KIF11: variants seen among roughly 807,000 people sequenced by gnomAD.
KIF11 encodes kinesin family member 11.
A neutral mutation model predicts 121.0 loss-of-function variants in KIF11; 9 were observed. The observed-to-expected ratio is 0.07, with a 90% CI of 0.04 to 0.13. KIF11 has a LOEUF of 0.13. Among genes scored for constraint, KIF11 ranks in the 10% least tolerant of loss-of-function variants. KIF11 has a pLI of 1.00. For missense variants in KIF11, 846 were observed against 1,217.5 expected (o/e 0.69, Z 4.54); for synonymous variants, 408 against 421.0 (o/e 0.97, Z 0.38).
intron 14 of KIF11, among the ~76,000 whole-genome samples, chr10:92,634,616 T>C (rs1348281831): frequency 6.6e-6 from 1 of 152,246 alleles, no homozygotes; most frequent in African/African-American, 2.4e-5. Flanking sequence ...CTCCACTGTT[T>C]ATTCTCTCCC....
intron 1 of KIF11, among the ~76,000 whole-genome samples, chr10:92,602,357 T>C (rs979595612): frequency 6.6e-6 from 1 of 152,168 alleles, no homozygotes; most frequent in African/African-American, 2.4e-5. Context: ...TCTTGAAATG[T>C]TTTATAGAAT....
chr10:92,650,030 A>T (rs1044324292), intron 20 of KIF11, 44 bp downstream of exon 20: 6 of 1,462,376 alleles, frequency 4.1e-6, no homozygotes, highest in Non-Finnish European at 5.7e-6. Flanking sequence ...TCTTTTATGA[A>T]CTCTTGATGT....
intron 5 of KIF11, 57 bp from the exon 6 acceptor site, chr10:92,609,328 G>A: frequency 6.4e-6 from 10 of 1,569,258 alleles, no homozygotes; most frequent in Non-Finnish European, 8.7e-6. Context: ...GTGTGTGTGT[G>A]TGTGTGTGTG....
rs777196374 is a variant in KIF11 at position 92,637,536 on chromosome 10, C to T, written c.2151C>T (p.Thr717=). The T allele has an allele frequency of 1.2e-6, 2 of 1,600,020 alleles. No homozygotes were observed. Among genetic ancestry groups the T allele is most frequent in the South Asian group, 1.1e-5 (1 of 87,432 alleles). The part of the protein sequence containing the change: ...LTEDLKTIKQ[T]HSQELCKLMN... Reference sequence around the variant, plus strand: ...AAGACCTGAAGACAATAAAGCAGACCCATTCCCAGGTATGTTGTTTAGCGG... The same window carrying T: ...AAGACCTGAAGACAATAAAGCAGACTCATTCCCAGGTATGTTGTTTAGCGG... The change falls in exon 16 of 22, where the codon ACC becomes ACT. Residue 717 remains threonine, a synonymous_variant. Transcript: ENST00000260731.
chr10:92,629,892 C>T (rs1406969514), intron 11 of KIF11, among the ~76,000 whole-genome samples: 3 of 152,196 alleles, frequency 2.0e-5, no homozygotes, highest in African/African-American at 7.2e-5. Context: ...GCTGGGGTTA[C>T]AGGTGTGAAC....
chr10:92,603,085 TTCTC>T (rs1265575940), intron 1 of KIF11, among the ~76,000 whole-genome samples: 3 of 151,680 alleles, frequency 2.0e-5, no homozygotes, highest in African/African-American at 7.3e-5. Flanking sequence ...GCAATTTCTG[TTCTC>T]TCTGCCTGAA....
intron 1 of KIF11, among the ~76,000 whole-genome samples, chr10:92,603,747 C>G (rs1844400964): frequency 6.6e-6 from 1 of 152,132 alleles, no homozygotes; most frequent in African/African-American, 2.4e-5. Flanking sequence ...CTCAGCTTCC[C>G]AAAGTGCTGA....
At chr10:92,625,143 G>A (rs1475160741) in intron 10 of KIF11, among the ~76,000 whole-genome samples, 1 of 152,040 alleles carries the variant, frequency 6.6e-6, no homozygotes, top group Non-Finnish European at 1.5e-5. Context: ...TTCATTAGTA[G>A]CATATAAGCG....
chr10:92,638,824 G>A (rs1844835545), intron 16 of KIF11, among the ~76,000 whole-genome samples: 1 of 152,142 alleles, frequency 6.6e-6, no homozygotes, highest in African/African-American at 2.4e-5. Flanking sequence ...TTCATAATCA[G>A]AATGTTAGAT....
intron 4 of KIF11, among the ~76,000 whole-genome samples, chr10:92,607,571 G>A (rs1453679251): frequency 6.6e-6 from 1 of 152,130 alleles, no homozygotes; most frequent in Non-Finnish European, 1.5e-5. Flanking sequence ...GAAGGAATGG[G>A]TCTCAGAAAG....
rs891118071 is a variant in KIF11, at chr10:92,606,636, T to C, written c.228T>C (p.Thr76=). 1 of 1,577,596 alleles carries C rather than the reference T, an allele frequency of 6.3e-7. No homozygotes were observed. The highest frequency in any genetic ancestry group is 1.3e-5 in the African/African-American group (1 of 74,124). ...YTFDMVFGAS[T]KQIDVYRSVV... is the part of the protein sequence containing the mutation. The stretch of plus-strand genomic sequence containing the variant: ...TTCGTTAGGTGTTTGGAGCATCTAC[T>C]AAACAGATTGATGTTTACCGAAGTG... Residue 76 remains threonine (T), a synonymous_variant, in exon 3 of 22, where the codon ACT becomes ACC. Transcript: ENST00000260731.
At chr10:92,634,651 G>A (rs1469264665) in intron 14 of KIF11, among the ~76,000 whole-genome samples, 1 of 152,202 alleles carries the variant, frequency 6.6e-6, no homozygotes, top group African/African-American at 2.4e-5. Flanking sequence ...CAAATGTATG[G>A]AACTAACTTT....
In KIF11 at chr10:92,630,330, G is replaced by C. The variant is rs780874784; in HGVS notation, c.1460G>C (p.Ser487Thr). The change falls in exon 12 of 22, where the codon AGT (serine) becomes ACT (threonine). Residue 487 changes from serine (S) to threonine (T), a missense_variant. By Grantham distance (58) the Ser-to-Thr change is moderately conservative. This residue lies in a region of KIF11 where 95 missense variants were observed against 109.3 expected (regional missense o/e 0.87). Transcript: ENST00000260731. ...GAATATATCACATCAGCTTTGGAAAGTACTGAGGAGAAACTTCATGATGCT... is the reference window on the plus strand; with the variant it reads ...GAATATATCACATCAGCTTTGGAAACTACTGAGGAGAAACTTCATGATGCT... ...KEEYITSALE[S>T]TEEKLHDAAS... 3.8e-6 allele frequency: 6 copies of C among 1,590,930 alleles called. No individual in the cohort carries two copies. The highest frequency in any genetic ancestry group is 5.1e-6 in the Non-Finnish European group (6 of 1,172,764).
At chr10:92,651,516 T>A (rs7898430) in intron 21 of KIF11, among the ~76,000 whole-genome samples, 507 of 37,158 alleles carry the variant, frequency 0.014, 34 homozygotes, top group South Asian at 0.027. Flanking sequence ...TGTTTTTTTT[T>A]TTTTTTTTTT....
intron 6 of KIF11, 122 bp downstream of exon 6, chr10:92,609,631 A>T: frequency 1.2e-6 from 1 of 821,694 alleles, no homozygotes; most frequent in Non-Finnish European, 1.9e-6. Flanking sequence ...TTGTGTTATA[A>T]GGAGGGGTCA....
intron 19 of KIF11, 27 bp from the exon 20 acceptor site, chr10:92,649,808 T>G: frequency 6.6e-7 from 1 of 1,513,800 alleles, no homozygotes; most frequent in Non-Finnish European, 9.0e-7. Flanking sequence ...ACTTTAATTT[T>G]TACCTCTTAT....
At chr10:92,640,945 G>A (rs1423573571) in intron 17 of KIF11, among the ~76,000 whole-genome samples, 7 of 151,266 alleles carry the variant, frequency 4.6e-5, no homozygotes, top group African/African-American at 1.5e-4. Context: ...ATGGGGTTTC[G>A]CCACGTTGGC....
chr10:92,614,101 A>ATT (rs199546714), intron 8 of KIF11, among the ~76,000 whole-genome samples: 2,756 of 133,404 alleles, frequency 0.021, 46 homozygotes, highest in Admixed American at 0.048. Flanking sequence ...TAGTAGCTTC[A>ATT]TTTTTTTTTT....
intron 3 of KIF11, among the ~76,000 whole-genome samples, chr10:92,606,950 T>C (rs1368793870): frequency 6.6e-6 from 1 of 152,174 alleles, no homozygotes; most frequent in African/African-American, 2.4e-5. Flanking sequence ...CTAATTTTTG[T>C]ATTTTTAGTA....
Sources: gnomAD v4.1 joint callset for allele counts (sites outside exome capture counted in the v4.1 genomes callset) on GRCh38, gnomAD v4.1.1 for gene constraint, gnomAD v4.1.1 regional missense constraint, MANE v1.5 for transcripts, NCBI Gene and HGNC (gene_info 2026-07-23, HGNC 2026-07-21) for gene names.